Variants in LINGO2 observed in about 807,000 individuals in gnomAD.
LINGO2 encodes leucine-rich repeat and immunoglobulin-like domain-containing nogo receptor-interacting protein 2.
A neutral mutation model predicts 30.6 loss-of-function variants in LINGO2; 14 were observed. That is an observed-to-expected ratio of 0.46 (90% CI 0.30 to 0.72). The LOEUF is 0.72. Ranked by LOEUF, LINGO2 falls within the 30% of genes least tolerant of loss-of-function variation. The pLI is 0.07. For missense variants in LINGO2, 729 were observed against 751.7 expected, an observed-to-expected ratio of 0.97 and a Z score of 0.35; for synonymous variants, 317 against 288.5, an observed-to-expected ratio of 1.10 and a Z score of -1.00.
the LINGO2 span, among the ~76,000 whole-genome samples, chr9:28,891,642 G>A: frequency 6.6e-6 from 1 of 151,816 alleles, no homozygotes; most frequent in African/African-American, 2.4e-5. Context: ...TATTTAAGAT[G>A]ATGAAAACTA....
intron 1 of LINGO2, among the ~76,000 whole-genome samples, chr9:28,516,958 G>C (rs911116075): frequency 6.6e-6 from 1 of 152,180 alleles, no homozygotes; most frequent in Non-Finnish European, 1.5e-5. Context: ...AGTAATGTCA[G>C]GATGTCATGG....
intron 1 of LINGO2, among the ~76,000 whole-genome samples, chr9:28,651,674 TA>T (rs141318098): frequency 0.061 from 9,177 of 151,348 alleles, 470 homozygotes; most frequent in Admixed American, 0.18. Context: ...ACTTGTTATT[TA>T]AAAAAAAACA....
At chr9:28,483,053 C>G (rs1245473066) in intron 1 of LINGO2, among the ~76,000 whole-genome samples, 1 of 152,024 alleles carries the variant, frequency 6.6e-6, no homozygotes, top group Admixed American at 6.6e-5. Flanking sequence ...TAAATAGTCT[C>G]AAATACAGGA....
intron 4 of LINGO2, among the ~76,000 whole-genome samples, chr9:28,016,391 C>T (rs1389448917): frequency 1.3e-5 from 2 of 151,956 alleles, no homozygotes; most frequent in African/African-American, 4.8e-5. Flanking sequence ...TATTTTTATC[C>T]CCTGAAAGTC....
At chr9:28,512,721 A>G (rs1049946964) in intron 1 of LINGO2, among the ~76,000 whole-genome samples, 1 of 149,488 alleles carries the variant, frequency 6.7e-6, no homozygotes, top group South Asian at 2.1e-4. Flanking sequence ...AGTATTAGTT[A>G]CACAATCACA....
chr9:28,135,102 C>A (rs1487336970), intron 4 of LINGO2, among the ~76,000 whole-genome samples: 1 of 152,140 alleles, frequency 6.6e-6, no homozygotes, highest in Non-Finnish European at 1.5e-5. Context: ...TGGTTGTACT[C>A]TATGAAGAAG....
At chr9:28,678,495 G>A in the LINGO2 span, among the ~76,000 whole-genome samples, 16 of 152,192 alleles carry the variant, frequency 1.1e-4, no homozygotes, top group Admixed American at 2.6e-4. Context: ...GGTTTCGAGC[G>A]CAAGATTTAT....
chr9:28,362,892 C>T (rs2134517249), intron 3 of LINGO2, among the ~76,000 whole-genome samples: 1 of 152,268 alleles, frequency 6.6e-6, no homozygotes, highest in Non-Finnish European at 1.5e-5. Flanking sequence ...CTCCCAGCAT[C>T]TGAGCAAAAG....
At chr9:28,970,441 A>T in the LINGO2 span, among the ~76,000 whole-genome samples, 1 of 152,150 alleles carries the variant, frequency 6.6e-6, no homozygotes, top group Non-Finnish European at 1.5e-5. Context: ...GTGAGCACTC[A>T]CACTACCTAG....
chr9:28,514,038 G>C (rs900395882), intron 1 of LINGO2, among the ~76,000 whole-genome samples: 5 of 152,128 alleles, frequency 3.3e-5, no homozygotes, highest in Non-Finnish European at 7.4e-5. Context: ...TATTATATCT[G>C]TTATGGTGAT....
the LINGO2 span, among the ~76,000 whole-genome samples, chr9:29,098,883 T>A: frequency 6.6e-6 from 1 of 152,030 alleles, no homozygotes; most frequent in Non-Finnish European, 1.5e-5. Flanking sequence ...AAAAAAATCC[T>A]AAAATTTATA....
chr9:27,973,606 C>T (rs903767200), intron 5 of LINGO2, among the ~76,000 whole-genome samples: 1 of 152,100 alleles, frequency 6.6e-6, no homozygotes, highest in African/African-American at 2.4e-5. Flanking sequence ...AGTATGTTTC[C>T]TAGGAAAGAG....
chr9:28,868,535 C>T, the LINGO2 span, among the ~76,000 whole-genome samples: 1 of 152,060 alleles, frequency 6.6e-6, no homozygotes, highest in East Asian at 1.9e-4. Context: ...ATAACTCATC[C>T]TACTTCAAAT....
intron 4 of LINGO2, among the ~76,000 whole-genome samples, chr9:28,270,235 T>G (rs754372821): frequency 1.3e-5 from 2 of 152,072 alleles, no homozygotes; most frequent in Non-Finnish European, 2.9e-5. Context: ...CCCTTTCCCC[T>G]TCAGTCAGCC....
chr9:28,601,510 G>A (rs1009301191), intron 1 of LINGO2, among the ~76,000 whole-genome samples: 18 of 152,070 alleles, frequency 1.2e-4, no homozygotes, highest in African/African-American at 4.3e-4. Flanking sequence ...GACTTGATGG[G>A]TTTTGCTCTG....
intron 1 of LINGO2, among the ~76,000 whole-genome samples, chr9:28,641,330 C>T (rs1248659017): frequency 6.6e-6 from 1 of 152,062 alleles, no homozygotes; most frequent in Non-Finnish European, 1.5e-5. Flanking sequence ...GCCACCGCGC[C>T]CGGCCTCAGA....
At position 28,625,870 on chromosome 9, in the gene LINGO2, T is replaced by C. The variant is rs1308750470; in HGVS notation, c.-365+44330A>G. Among the ~76,000 whole-genome samples, 3 of 152,270 alleles carry C rather than the reference T, an allele frequency of 2.0e-5. No homozygotes were observed. The East Asian group carries it at 5.8e-4, about 29-fold the overall frequency. ...ACTTTGTGTTTTTTCATTTGAAAGA[T>C]ATAATTTAATCTTAAAAAATATATA... On this transcript the variant is annotated intron_variant, in intron 1 of 5. Coordinates refer to ENST00000379992, the Ensembl canonical transcript of LINGO2.
the LINGO2 span, among the ~76,000 whole-genome samples, chr9:28,763,628 A>G: frequency 4.0e-5 from 6 of 151,824 alleles, no homozygotes; most frequent in Non-Finnish European, 8.8e-5. Context: ...AAAGGAACTA[A>G]AAAAAGAAAA....
At chr9:28,604,056 A>G (rs1825601815) in intron 1 of LINGO2, among the ~76,000 whole-genome samples, 1 of 152,020 alleles carries the variant, frequency 6.6e-6, no homozygotes, top group African/African-American at 2.4e-5. Flanking sequence ...ATATTAAACC[A>G]TGCAAATTCT....
Sources: allele counts gnomAD v4.1 joint callset (sites outside exome capture counted in the v4.1 genomes callset), GRCh38; gene constraint gnomAD v4.1.1; transcripts MANE v1.5; gene names NCBI Gene and HGNC (gene_info 2026-07-23, HGNC 2026-07-21).